Variants in NECTIN3 observed in about 807,000 individuals in gnomAD.
NECTIN3 encodes the protein nectin cell adhesion molecule 3, also known as nectin-3.
A neutral mutation model predicts 49.4 loss-of-function variants in NECTIN3; 8 were observed. That is an observed-to-expected ratio of 0.16 (90% confidence interval 0.10 to 0.29). The LOEUF (loss-of-function observed/expected upper bound fraction) is 0.29, where lower values mean the gene tolerates loss of function less well. NECTIN3 is among the 10% of genes least tolerant of loss of function. The pLI, the probability that NECTIN3 is intolerant of heterozygous loss-of-function variation, is 1.00. For missense variants in NECTIN3, 581 were observed against 654.6 expected (o/e 0.89, Z 1.23); for synonymous variants, 277 against 241.1 (o/e 1.15, Z -1.38).
chr3:111,110,897 T>C (rs1348112376), intron 1 of NECTIN3, among the ~76,000 whole-genome samples: 1 of 152,094 alleles, frequency 6.6e-6, no homozygotes, highest in Non-Finnish European at 1.5e-5. Flanking sequence ...AGGGAAATAA[T>C]ATTGCATAAA....
chr3:111,129,487 T>C (rs964580849), intron 5 of NECTIN3, among the ~76,000 whole-genome samples: 1 of 152,198 alleles, frequency 6.6e-6, no homozygotes, highest in African/African-American at 2.4e-5. Flanking sequence ...AATACAGTTT[T>C]GTTGCATGAA....
chr3:111,191,260 C>T (rs1313651462), upstream of NECTIN3, among the ~76,000 whole-genome samples: 1 of 152,118 alleles, frequency 6.6e-6, no homozygotes, highest in African/African-American at 2.4e-5. Flanking sequence ...AACTAAGCCT[C>T]AGTTTTAGTC....
At chr3:111,138,674 G>T (rs2034658397), downstream of NECTIN3, among the ~76,000 whole-genome samples, 1 of 151,462 alleles carries the variant, frequency 6.6e-6, no homozygotes, top group Admixed American at 6.6e-5. Context: ...TGTTTCATTT[G>T]CCTTTTAATA....
intron 7 of NECTIN3, among the ~76,000 whole-genome samples, chr3:111,185,307 C>T (rs2035699444): frequency 6.6e-6 from 1 of 152,070 alleles, no homozygotes; most frequent in Non-Finnish European, 1.5e-5. Context: ...AAAGATAACA[C>T]ATGTGCGTGT....
downstream of NECTIN3, among the ~76,000 whole-genome samples, chr3:111,140,267 A>G (rs555451317): frequency 6.6e-6 from 1 of 151,920 alleles, no homozygotes; most frequent in East Asian, 1.9e-4. Flanking sequence ...CACATTAGCT[A>G]CTGTTTCAGC....
intron 1 of NECTIN3, among the ~76,000 whole-genome samples, chr3:111,111,143 G>A (rs192708654): frequency 3.3e-5 from 5 of 152,154 alleles, no homozygotes; most frequent in East Asian, 1.9e-4. Context: ...GACCTCCAAG[G>A]ACTTGTTATA....
Position 111,134,522 on chromosome 3 carries a change from C to A in NECTIN3, c.*307C>A. ...CATTAAATGTATGACTTACTTGGTA[C>A]AAAAATTTTTTAAAAAGGGAACTAC... On this transcript the variant is annotated 3_prime_UTR_variant, in exon 6 of 6. Transcript: ENST00000485303. The A allele has an allele frequency of 2.0e-6, 2 of 1,000,924 alleles. No homozygotes were observed. Among genetic ancestry groups the A allele is most frequent in the Non-Finnish European group, 2.4e-6 (2 of 834,706 alleles). The allele number at this position is 1,000,924 out of a possible 1,614,324, so 62.0% of individuals were successfully genotyped here. A position where few individuals can be genotyped will look rare whatever the true frequency, so the allele number is the denominator to read the frequency against.
At chr3:111,139,458 T>C (rs555024895), downstream of NECTIN3, among the ~76,000 whole-genome samples, 1 of 151,884 alleles carries the variant, frequency 6.6e-6, no homozygotes, top group Non-Finnish European at 1.5e-5. Flanking sequence ...TTTCTGTAAA[T>C]TGATAGTGAG....
At chr3:111,077,371 C>T (rs74423914) in intron 1 of NECTIN3, 3,848 of 136,406 alleles carry the variant, frequency 0.028, 183 homozygotes, top group African/African-American at 0.11. Flanking sequence ...AAAGATCAAA[C>T]TTGTTCTTAA....
intron 5 of NECTIN3, chr3:111,144,867 A>G (rs978045212): frequency 2.2e-5 from 33 of 1,508,074 alleles, no homozygotes; most frequent in Middle Eastern, 3.4e-4. Context: ...TTTTAAGATT[A>G]TTTGAAAAGC....
chr3:111,111,490 G>T (rs1307664798), intron 1 of NECTIN3, among the ~76,000 whole-genome samples: 1 of 152,064 alleles, frequency 6.6e-6, no homozygotes, highest in Non-Finnish European at 1.5e-5. Flanking sequence ...TTTGGTTTGG[G>T]AGATCCTACA....
At chr3:111,138,918 C>T (rs138042371), downstream of NECTIN3, among the ~76,000 whole-genome samples, 426 of 151,594 alleles carry the variant, frequency 2.8e-3, 1 homozygote, top group African/African-American at 9.4e-3. Flanking sequence ...ACAGTTCTAT[C>T]TAAAAGCCAA....
chr3:111,143,703 CTG>C (rs2034805505), intron 5 of NECTIN3, among the ~76,000 whole-genome samples: 1 of 151,988 alleles, frequency 6.6e-6, no homozygotes, highest in East Asian at 1.9e-4. Flanking sequence ...TTAAGTAAAA[CTG>C]AGACCTCTTC....
chr3:111,118,276 ATATATATT>A (rs1216844064), intron 2 of NECTIN3, among the ~76,000 whole-genome samples: 3 of 139,118 alleles, frequency 2.2e-5, no homozygotes, highest in Non-Finnish European at 3.2e-5. Context: ...ATATATATAT[ATATATATT>A]ATACATATAT....
intron 7 of NECTIN3, among the ~76,000 whole-genome samples, chr3:111,162,421 T>G (rs112589185): frequency 1.3e-5 from 2 of 152,180 alleles, no homozygotes; most frequent in East Asian, 1.9e-4. Context: ...GATGGTGTTA[T>G]AAGGGGCTTT....
chr3:111,172,711 G>T (rs991406210), intron 7 of NECTIN3, among the ~76,000 whole-genome samples: 5 of 152,130 alleles, frequency 3.3e-5, no homozygotes, highest in Non-Finnish European at 7.4e-5. Context: ...GTTATCAGGT[G>T]AATATTTTTC....
chr3:111,111,373 A>G (rs1465400662), intron 1 of NECTIN3, among the ~76,000 whole-genome samples: 1 of 152,134 alleles, frequency 6.6e-6, no homozygotes, highest in Admixed American at 6.6e-5. Flanking sequence ...ACATTTATAT[A>G]AGCATTTCTT....
intron 6 of NECTIN3, among the ~76,000 whole-genome samples, chr3:111,145,972 C>T (rs2034864136): frequency 6.6e-6 from 1 of 152,142 alleles, no homozygotes; most frequent in African/African-American, 2.4e-5. Flanking sequence ...TGAACAAGTA[C>T]TTTATCTCAA....
intron 7 of NECTIN3, among the ~76,000 whole-genome samples, chr3:111,172,863 C>G (rs1349717615): frequency 1.3e-5 from 2 of 152,304 alleles, no homozygotes; most frequent in South Asian, 2.1e-4. Context: ...CTATATTATC[C>G]AGTTTCCTCA....
Sources: gnomAD v4.1 joint callset for allele counts (sites outside exome capture counted in the v4.1 genomes callset) on GRCh38, gnomAD v4.1.1 for gene constraint, MANE v1.5 for transcripts, NCBI Gene and HGNC (gene_info 2026-07-23, HGNC 2026-07-21) for gene names.